Variants in TRPC4AP observed in about 807,000 individuals in gnomAD.
The protein encoded by TRPC4AP is transient receptor potential cation channel subfamily C member 4 associated protein, also known as short transient receptor potential channel 4-associated protein.
In TRPC4AP, 45 loss-of-function variants were observed where a neutral mutation model predicts 99.0. The observed-to-expected ratio is 0.45, with a 90% CI of 0.36 to 0.58. The LOEUF is 0.58. Ranked by LOEUF, TRPC4AP falls within the 20% of genes least tolerant of loss-of-function variation. TRPC4AP has a pLI of 0.00. For synonymous variants in TRPC4AP, 408 were observed against 385.8 expected (o/e 1.06, Z -0.67); for missense variants, 879 against 985.3 (o/e 0.89, Z 1.44).
chr20:35,024,854 A>ACAAAAAACAT (rs1555904987), intron 8 of TRPC4AP, among the ~76,000 whole-genome samples: 1 of 89,476 alleles, frequency 1.1e-5, no homozygotes, highest in Admixed American at 1.5e-4. Context: ...AAAAAAAAAA[A>ACAAAAAACAT]ATTCTGTTTA....
intron 7 of TRPC4AP, 144 bp from the exon 8 acceptor site, chr20:35,035,452 C>T: frequency 1.1e-6 from 1 of 931,916 alleles, no homozygotes; most frequent in East Asian, 2.7e-5. Flanking sequence ...GAATGTCAAA[C>T]CAAGGTAAAT....
At position 35,044,570 on chromosome 20, in the gene TRPC4AP, A is replaced by T; in HGVS notation, c.800T>A (p.Leu267His). 1 of 1,614,166 alleles carries T rather than the reference A, an allele frequency of 6.2e-7. No individual in the cohort carries two copies. The highest frequency in any genetic ancestry group is 8.5e-7 in the Non-Finnish European group (1 of 1,180,016). ...DTGNDDKHTLLAKNAQQKKSL... is the reference protein window; with the variant it reads ...DTGNDDKHTLHAKNAQQKKSL... The stretch of plus-strand genomic sequence containing the variant: ...CTTCTTCTGTTGAGCATTTTTGGCA[A>T]GAAGCGTGTGCTTGTCATCATTCCC... Residue 267 changes from leucine (L) to histidine (H), a missense_variant, in exon 7 of 19, where the codon CTT (leucine) becomes CAT (histidine). Transcript: ENST00000252015.
At chr20:35,086,928 G>A (rs1465572277) in intron 1 of TRPC4AP, among the ~76,000 whole-genome samples, 2 of 151,890 alleles carry the variant, frequency 1.3e-5, no homozygotes, top group East Asian at 3.9e-4. Flanking sequence ...AGCTACTCAG[G>A]AGGCTGAGGC....
At chr20:35,052,937 T>A (rs1301275431) in intron 5 of TRPC4AP, among the ~76,000 whole-genome samples, 1 of 152,198 alleles carries the variant, frequency 6.6e-6, no homozygotes, top group African/African-American at 2.4e-5. Context: ...GAGGCATTGG[T>A]GTTTGCAACC....
intron 3 of TRPC4AP, among the ~76,000 whole-genome samples, chr20:35,064,957 A>G (rs1027637998): frequency 6.6e-6 from 1 of 152,230 alleles, no homozygotes; most frequent in African/African-American, 2.4e-5. Context: ...ATTTTGACTT[A>G]CGTCTTCATC....
At chr20:35,047,198 T>C (rs1263563946) in intron 6 of TRPC4AP, among the ~76,000 whole-genome samples, 1 of 152,234 alleles carries the variant, frequency 6.6e-6, no homozygotes. Context: ...ATTTTTGATA[T>C]GTACAATACG....
At chr20:35,087,173 CAA>C (rs778236066) in intron 1 of TRPC4AP, among the ~76,000 whole-genome samples, 19 of 118,634 alleles carry the variant, frequency 1.6e-4, no homozygotes, top group South Asian at 2.7e-4. Flanking sequence ...ACTAAAAATA[CAA>C]AAAAAAAAAA....
Position 35,033,917 on chromosome 20 carries a change from G to A in TRPC4AP, c.1051+1206C>T, listed in dbSNP as rs1450296146. On this transcript the variant is annotated intron_variant, in intron 8 of 18. Coordinates refer to ENST00000252015, the MANE Select transcript of TRPC4AP (RefSeq NM_015638.3). ...TCCCAGCACTTTGGGAGGCCGAGGC[G>A]GGTGGATCATGAGGTCAGGAGATCG... is the stretch of plus-strand genomic sequence containing the variant. 9.8e-4 allele frequency among the ~76,000 whole-genome samples: 13 copies of A among 13,332 alleles called. 5 individuals are homozygous for A. The highest frequency in any genetic ancestry group is 1.8e-3 in the African/African-American group (9 of 4,946). 8.7% of individuals were successfully genotyped at this position (13,332 alleles called of 152,430 possible). A position where few individuals can be genotyped will look rare whatever the true frequency, so the allele number is the denominator to read the frequency against.
rs1479270980 is a variant in TRPC4AP, at chr20:35,024,854, A to AAAAAAACAT, written c.1052-3499_1052-3498insATGTTTTTT. Among the ~76,000 whole-genome samples the AAAAAAACAT allele has an allele frequency of 4.1e-3, 371 of 89,448 alleles. 66 individuals are homozygous for AAAAAAACAT. Among genetic ancestry groups the AAAAAAACAT allele is most frequent in the East Asian group, 8.3e-3 (19 of 2,278 alleles). 58.7% of individuals were successfully genotyped at this position (89,448 alleles called of 152,430 possible). A position where few individuals can be genotyped will look rare whatever the true frequency, so the allele number is the denominator to read the frequency against. On this transcript the variant is annotated intron_variant, in intron 8 of 18. Coordinates refer to ENST00000252015, the MANE Select transcript of TRPC4AP (RefSeq NM_015638.3). ...AAAAAAAAAAAAAAAAAAAAAAAAA[A>AAAAAAACAT]ATTCTGTTTATTCATTAATCAGGTG... is the stretch of plus-strand genomic sequence containing the variant.
At position 35,051,615 on chromosome 20, in the gene TRPC4AP, T is replaced by TA. The variant is rs56666362; in HGVS notation, c.529-1622dup. ...TTCTTCAGTCGTAGCACTGACACAT[T>TA]AAAAAAAAAAAAAAAAAAGGTTGTT... is the stretch of plus-strand genomic sequence containing the variant. On this transcript the variant is annotated intron_variant, in intron 5 of 18. Transcript: ENST00000252015. Among the ~76,000 whole-genome samples the TA allele has an allele frequency of 9.8e-3, 1,135 of 115,374 alleles. 18 individuals are homozygous for TA. Among genetic ancestry groups the TA allele is most frequent in the African/African-American group, 0.028 (915 of 32,412 alleles). 75.7% of individuals were successfully genotyped at this position (115,374 alleles called of 152,430 possible). A position where few individuals can be genotyped will look rare whatever the true frequency, so the allele number is the denominator to read the frequency against.
intron 4 of TRPC4AP, among the ~76,000 whole-genome samples, chr20:35,056,199 G>A (rs1465608312): frequency 1.3e-5 from 2 of 152,140 alleles, no homozygotes; most frequent in Non-Finnish European, 2.9e-5. Flanking sequence ...CGACTTCAGA[G>A]CAGGGTGAAA....
chr20:35,012,483 C>T (rs2082660517), intron 11 of TRPC4AP, among the ~76,000 whole-genome samples: 3 of 152,202 alleles, frequency 2.0e-5, no homozygotes, highest in Admixed American at 2.0e-4. Flanking sequence ...CTGCTAGTCA[C>T]CCCCTTCCTG....
At position 35,015,691 on chromosome 20, in the gene TRPC4AP, T is replaced by C. The variant is rs1484972933; in HGVS notation, c.1350+317A>G. Among the ~76,000 whole-genome samples the C allele has an allele frequency of 2.0e-5, 3 of 152,084 alleles. No homozygotes were observed. The East Asian group carries it at 5.8e-4, about 30-fold the overall frequency. Reference sequence around the variant, plus strand: ...ACACTAGTGAGACAGGGTTTCACCATGTTGGCCAGGCTGGTCTGTAACTCT... The same window carrying C: ...ACACTAGTGAGACAGGGTTTCACCACGTTGGCCAGGCTGGTCTGTAACTCT... On this transcript the variant is annotated intron_variant, in intron 10 of 18. Transcript: ENST00000252015.
intron 12 of TRPC4AP, among the ~76,000 whole-genome samples, chr20:35,009,835 G>A (rs762809061): frequency 1.7e-4 from 26 of 152,246 alleles, no homozygotes; most frequent in Non-Finnish European, 2.8e-4. Flanking sequence ...CTGCTTGGCT[G>A]CAGATGCCAC....
At chr20:35,007,846 A>G (rs2082546618) in intron 13 of TRPC4AP, among the ~76,000 whole-genome samples, 1 of 152,170 alleles carries the variant, frequency 6.6e-6, no homozygotes, top group African/African-American at 2.4e-5. Flanking sequence ...GAAGTCTTCT[A>G]TCTGGGTCTG....
intron 7 of TRPC4AP, among the ~76,000 whole-genome samples, chr20:35,035,850 G>A (rs1448245145): frequency 1.3e-5 from 2 of 151,942 alleles, no homozygotes; most frequent in Admixed American, 6.6e-5. Context: ...TAAACAATAT[G>A]AATTTAATTT....
intron 8 of TRPC4AP, among the ~76,000 whole-genome samples, chr20:35,025,041 G>T (rs959327220): frequency 6.6e-6 from 1 of 152,064 alleles, no homozygotes; most frequent in Non-Finnish European, 1.5e-5. Flanking sequence ...AACCCTTTGA[G>T]GAACTGCTAG....
At chr20:35,072,968 G>C (rs1221370058) in intron 2 of TRPC4AP, among the ~76,000 whole-genome samples, 2 of 152,160 alleles carry the variant, frequency 1.3e-5, no homozygotes, top group Admixed American at 1.3e-4. Flanking sequence ...TTGAGCAGTG[G>C]TTTGTAGTTC....
At chr20:35,036,883 T>C (rs1407685240) in intron 7 of TRPC4AP, among the ~76,000 whole-genome samples, 1 of 151,330 alleles carries the variant, frequency 6.6e-6, no homozygotes, top group African/African-American at 2.4e-5. Flanking sequence ...GATGCAGAGG[T>C]TGCAGTGAGC....
Sources: allele counts gnomAD v4.1 joint callset (sites outside exome capture counted in the v4.1 genomes callset), GRCh38; gene constraint gnomAD v4.1.1; transcripts MANE v1.5; gene names NCBI Gene and HGNC (gene_info 2026-07-23, HGNC 2026-07-21).